The following YPEL1 variants were observed in gnomAD, a reference collection of about 807,000 sequenced individuals.
The protein encoded by YPEL1 is protein yippee-like 1.
YPEL1 carries 7 observed loss-of-function variants against 17.3 expected under a neutral mutation model. The ratio of observed to expected loss-of-function variants is 0.40; its 90% CI spans 0.23 to 0.76. The LOEUF (loss-of-function observed/expected upper bound fraction) is 0.76. Among genes scored for constraint, YPEL1 ranks in the 30% least tolerant of loss-of-function variants. The pLI, the probability that YPEL1 is intolerant of heterozygous loss-of-function variation, is 0.35. For synonymous variants in YPEL1, 59 were observed against 59.6 expected (o/e 0.99, Z 0.05); for missense variants, 91 against 155.5 (o/e 0.59, Z 2.21).
chr22:21,704,183 A>T (rs1196744691), intron 2 of YPEL1: 1 of 718,002 alleles, frequency 1.4e-6, no homozygotes, highest in African/African-American at 1.7e-5. Flanking sequence ...ATATGTCTGG[A>T]CAACTTTACC....
At chr22:21,715,080 T>C (rs1475979037) in intron 1 of YPEL1, among the ~76,000 whole-genome samples, 1 of 152,180 alleles carries the variant, frequency 6.6e-6, no homozygotes, top group East Asian at 1.9e-4. Flanking sequence ...GTATAGTATG[T>C]GGATAAATGG....
chr22:21,717,247 C>A (rs1366568125), intron 1 of YPEL1, among the ~76,000 whole-genome samples: 2 of 151,758 alleles, frequency 1.3e-5, no homozygotes, highest in Non-Finnish European at 1.5e-5. Context: ...GTGGTGGTGT[C>A]TGCCTGTAGT....
At position 21,703,514 on chromosome 22, in the gene YPEL1, G is replaced by A. The variant is rs367940049; in HGVS notation, c.162-36C>T. On this transcript the variant is annotated intron_variant, in intron 3 of 4. Coordinates refer to ENST00000339468, the MANE Select transcript of YPEL1 (RefSeq NM_013313.5). The surrounding 1 kb of genome is among the most constrained non-coding windows in gnomAD (Gnocchi z 6.1). ...AGAGGGGCCACTGCGCTGCAGGCCC[G>A]GCCCGCCCCTGACCAGGCCCTGCCC... The A allele has an allele frequency of 1.1e-5, 18 of 1,569,338 alleles. No homozygotes were observed. The highest frequency in any genetic ancestry group is 5.5e-5 in the South Asian group (5 of 90,362).
intron 1 of YPEL1, among the ~76,000 whole-genome samples, chr22:21,719,682 C>T (rs1445705701): frequency 2.0e-5 from 3 of 151,388 alleles, no homozygotes; most frequent in Non-Finnish European, 2.9e-5. Flanking sequence ...GTCAGGAGCT[C>T]GAGACCAGTC....
chr22:21,715,592 T>TTTTAA (rs147970828), intron 1 of YPEL1, among the ~76,000 whole-genome samples: 31,351 of 150,226 alleles, frequency 0.21, 3,441 homozygotes, highest in African/African-American at 0.23. Flanking sequence ...TTTTTATTTT[T>TTTTAA]TTTATTTTTT....
chr22:21,706,900 C>A (rs2068121246), intron 2 of YPEL1, among the ~76,000 whole-genome samples: 1 of 151,912 alleles, frequency 6.6e-6, no homozygotes, highest in Non-Finnish European at 1.5e-5. Context: ...TCATAAAATA[C>A]TAAGTGAGGA....
chr22:21,726,075 G>A (rs2068332560), intron 1 of YPEL1, among the ~76,000 whole-genome samples: 1 of 152,176 alleles, frequency 6.6e-6, no homozygotes, highest in Admixed American at 6.5e-5. Flanking sequence ...TGGACCCATG[G>A]GCACCAAGGA....
intron 1 of YPEL1, among the ~76,000 whole-genome samples, chr22:21,717,353 G>A (rs1422724484): frequency 6.7e-6 from 1 of 149,266 alleles, no homozygotes; most frequent in East Asian, 1.9e-4. Flanking sequence ...TCCAGCCTTG[G>A]GTAACAGAGC....
chr22:21,703,235 A>C lies in YPEL1; in HGVS notation c.270+135T>G, dbSNP rs2068082601. 1.3e-6 allele frequency: 1 copy of C among 746,620 alleles called. No homozygotes were observed. Among genetic ancestry groups the C allele is most frequent in the African/African-American group, 1.7e-5 (1 of 58,516 alleles). 46.2% of individuals were successfully genotyped at this position (746,620 alleles called of 1,614,324 possible). ...TGCCTCACTGGAGTCTGGACTTCCC[A>C]CCTCGGCTGAGGAACTGGGGTTTCT... On this transcript the variant is annotated intron_variant, in intron 4 of 4. Coordinates refer to ENST00000339468, the MANE Select transcript of YPEL1 (RefSeq NM_013313.5). This position sits in a 1 kb window ranked among gnomAD's most constrained non-coding sequence, Gnocchi z 6.1.
chr22:21,731,539 G>GAAA (rs1180671395), intron 1 of YPEL1, among the ~76,000 whole-genome samples: 2,874 of 143,256 alleles, frequency 0.02, 133 homozygotes, highest in African/African-American at 0.05. Flanking sequence ...GAGAAGGGGG[G>GAAA]AAAAAAAAAA....
rs1555903172 is a variant in YPEL1 at position 21,703,708 on chromosome 22, C to CCGG, written c.161+130_161+131insCCG. On this transcript the variant is annotated intron_variant, in intron 3 of 4. Transcript: ENST00000339468. The surrounding 1 kb of genome is among the most constrained non-coding windows in gnomAD (Gnocchi z 6.1). Reference sequence around the variant, plus strand: ...ATCCTTAGCGCGTTTCAGAAACTCCCGGCGGGGGGATGGTGGGTTCTTTCA... The same window carrying CCGG: ...ATCCTTAGCGCGTTTCAGAAACTCCCCGGGGCGGGGGGATGGTGGGTTCTTTCA... The CCGG allele has an allele frequency of 3.0e-6, 3 of 990,502 alleles. No individual in the cohort carries two copies. The highest frequency in any genetic ancestry group is 2.7e-5 in the Admixed American group (1 of 37,234). 61.4% of individuals were successfully genotyped at this position (990,502 alleles called of 1,614,324 possible). A position where few individuals can be genotyped will look rare whatever the true frequency, so the allele number is the denominator to read the frequency against.
chr22:21,720,379 G>C (rs942215530), intron 1 of YPEL1, among the ~76,000 whole-genome samples: 10 of 150,908 alleles, frequency 6.6e-5, no homozygotes, highest in Non-Finnish European at 4.4e-5. Flanking sequence ...TAATTTTTTT[G>C]TTGTAGAGAT....
intron 1 of YPEL1, among the ~76,000 whole-genome samples, chr22:21,714,564 G>A (rs1379426093): frequency 6.6e-6 from 1 of 152,178 alleles, no homozygotes; most frequent in Non-Finnish European, 1.5e-5. Context: ...GTGTGGATGT[G>A]TATCGGCTCC....
chr22:21,725,296 T>C (rs934720358), intron 1 of YPEL1, among the ~76,000 whole-genome samples: 3 of 150,386 alleles, frequency 2.0e-5, no homozygotes, highest in Non-Finnish European at 4.4e-5. Flanking sequence ...CTCGGCTCAA[T>C]GCAAGCTCCA....
chr22:21,729,715 T>C (rs2068369843), intron 1 of YPEL1, among the ~76,000 whole-genome samples: 1 of 152,248 alleles, frequency 6.6e-6, no homozygotes, highest in South Asian at 2.1e-4. Context: ...CAGCCCTGGA[T>C]GGGGGTTCAT....
At position 21,703,708 on chromosome 22, in the gene YPEL1, C is replaced by CAGG. The variant is rs1555903172; in HGVS notation, c.161+130_161+131insCCT. 9.0e-5 allele frequency: 89 copies of CAGG among 990,502 alleles called. 1 individual carries two copies. Among genetic ancestry groups the CAGG allele is most frequent in the Middle Eastern group, 5.0e-4 (2 of 4,012 alleles). 61.4% of individuals were successfully genotyped at this position (990,502 alleles called of 1,614,324 possible). On this transcript the variant is annotated intron_variant, in intron 3 of 4. Transcript: ENST00000339468. This position sits in a 1 kb window ranked among gnomAD's most constrained non-coding sequence, Gnocchi z 6.1. ...ATCCTTAGCGCGTTTCAGAAACTCC[C>CAGG]GGCGGGGGGATGGTGGGTTCTTTCA...
In YPEL1 at chr22:21,704,186, A is replaced by T. The variant is rs1169021948; in HGVS notation, c.118-304T>A. ...ATGGTGAGCTTCATATGTCTGGACA[A>T]CTTTACCTTAGAGGAGTTCTGAGAG... On this transcript the variant is annotated intron_variant, in intron 2 of 4. Coordinates refer to ENST00000339468, the MANE Select transcript of YPEL1 (RefSeq NM_013313.5). The T allele has an allele frequency of 1.8e-5, 13 of 717,910 alleles. No homozygotes were observed. In the East Asian group the frequency reaches 3.5e-4, roughly 19 times the overall value. The allele number at this position is 717,910 out of a possible 1,614,324, so 44.5% of individuals were successfully genotyped here.
chr22:21,711,394 G>A (rs1368723929), intron 1 of YPEL1, among the ~76,000 whole-genome samples: 1 of 152,200 alleles, frequency 6.6e-6, no homozygotes, highest in Non-Finnish European at 1.5e-5. Flanking sequence ...TTTGGCTTTG[G>A]AAACATGAAA....
At chr22:21,721,274 G>A (rs142850416) in intron 1 of YPEL1, among the ~76,000 whole-genome samples, 1,559 of 151,280 alleles carry the variant, frequency 0.01, 31 homozygotes, top group African/African-American at 0.035. Context: ...CACCACGCCC[G>A]GCTAATTTTT....
Sources: gnomAD v4.1 joint callset for allele counts (sites outside exome capture counted in the v4.1 genomes callset) on GRCh38, gnomAD v4.1.1 for gene constraint, Gnocchi (gnomAD v3.1) non-coding constraint, MANE v1.5 for transcripts, NCBI Gene and HGNC (gene_info 2026-07-23, HGNC 2026-07-21) for gene names.